The following CDH12 variants were observed in gnomAD, a reference collection of about 807,000 sequenced individuals.
CDH12 encodes the protein cadherin-12.
In CDH12, 41 loss-of-function variants were observed where a neutral mutation model predicts 74.1. The observed-to-expected ratio is 0.55, with a 90% CI of 0.43 to 0.72. CDH12 has a LOEUF of 0.72. Among genes scored for constraint, CDH12 ranks in the 30% least tolerant of loss-of-function variants. CDH12 has a pLI of 0.00. For missense variants in CDH12, 945 were observed against 977.2 expected, an observed-to-expected ratio of 0.97 and a Z score of 0.44; for synonymous variants, 399 against 355.0, an observed-to-expected ratio of 1.12 and a Z score of -1.39.
intron 3 of CDH12, among the ~76,000 whole-genome samples, chr5:22,360,416 C>T (rs779204967): frequency 1.8e-4 from 28 of 152,196 alleles, no homozygotes; most frequent in East Asian, 3.9e-4. Context: ...AAATAACAGG[C>T]TCTGAAATTG....
chr5:22,462,637 T>C (rs1388382972), intron 2 of CDH12, among the ~76,000 whole-genome samples: 1 of 152,070 alleles, frequency 6.6e-6, no homozygotes, highest in Admixed American at 6.6e-5. Flanking sequence ...ACATGAAAAT[T>C]GAAGTAGAAC....
At chr5:22,615,434 A>G (rs1035976195) in intron 1 of CDH12, among the ~76,000 whole-genome samples, 1 of 152,126 alleles carries the variant, frequency 6.6e-6, no homozygotes, top group African/African-American at 2.4e-5. Context: ...ATAAAAAGTT[A>G]CCAATAACAT....
rs567450746 is a variant in CDH12, at chr5:22,131,999, G to A, written c.-186-53137C>T. 7.4e-4 allele frequency among the ~76,000 whole-genome samples: 113 copies of A among 152,206 alleles called. 1 individual carries two copies. Among genetic ancestry groups the A allele is most frequent in the African/African-American group, 2.4e-3 (101 of 41,540 alleles). On this transcript the variant is annotated intron_variant, in intron 4 of 14. Coordinates refer to ENST00000382254, the MANE Select transcript of CDH12 (RefSeq NM_004061.5). ...GTTCTTCCTTATAAGAATTTAAAAC[G>A]TGTATCTCCATGGAGGGCCTGCAAA... is the stretch of plus-strand genomic sequence containing the variant.
chr5:22,270,467 T>C (rs1382819277), intron 3 of CDH12, among the ~76,000 whole-genome samples: 2 of 151,744 alleles, frequency 1.3e-5, no homozygotes, highest in South Asian at 2.1e-4. Flanking sequence ...TGGCGGCACA[T>C]GCCTGTAGCC....
intron 5 of CDH12, among the ~76,000 whole-genome samples, chr5:22,063,491 G>C (rs1023024377): frequency 3.3e-5 from 5 of 151,988 alleles, no homozygotes; most frequent in Admixed American, 6.6e-5. Context: ...GCACATTGCT[G>C]ATTGGTTCTA....
chr5:21,962,748 TG>T (rs998521159), intron 6 of CDH12, among the ~76,000 whole-genome samples: 1 of 152,156 alleles, frequency 6.6e-6, no homozygotes, highest in East Asian at 1.9e-4. Context: ...CTTTCATTTT[TG>T]TTCTTAAATA....
intron 5 of CDH12, among the ~76,000 whole-genome samples, chr5:22,043,208 G>A (rs555927325): frequency 6.6e-6 from 1 of 152,136 alleles, no homozygotes; most frequent in Admixed American, 6.5e-5. Context: ...CAGAATACTA[G>A]CAAAACAAAT....
At chr5:22,558,255 C>T (rs1304029254) in intron 1 of CDH12, among the ~76,000 whole-genome samples, 1 of 151,976 alleles carries the variant, frequency 6.6e-6, no homozygotes, top group Non-Finnish European at 1.5e-5. Context: ...AAATGGTACT[C>T]TATGGAGACA....
chr5:22,058,191 GGATTACAGGCACAC>G (rs1262370462), intron 5 of CDH12, among the ~76,000 whole-genome samples: 2 of 152,034 alleles, frequency 1.3e-5, no homozygotes, highest in African/African-American at 4.8e-5. Flanking sequence ...CGAGTAGCTG[GGATTACAGGCACAC>G]GCCTCCATGC....
intron 1 of CDH12, among the ~76,000 whole-genome samples, chr5:22,748,773 C>T (rs1034376913): frequency 2.0e-5 from 3 of 152,144 alleles, no homozygotes; most frequent in African/African-American, 7.2e-5. Context: ...AAATGCCACT[C>T]ACCAAATCTC....
At chr5:22,553,584 A>G (rs753336109) in intron 1 of CDH12, among the ~76,000 whole-genome samples, 1 of 152,208 alleles carries the variant, frequency 6.6e-6, no homozygotes, top group Non-Finnish European at 1.5e-5. Context: ...CAAGATCTAT[A>G]TGAAAAAAAA....
chr5:22,439,045 A>G (rs752936141), intron 2 of CDH12, among the ~76,000 whole-genome samples: 7 of 151,924 alleles, frequency 4.6e-5, no homozygotes, highest in African/African-American at 1.7e-4. Flanking sequence ...GCTTGTGTCT[A>G]TAAAGCACAA....
chr5:22,733,229 C>A (rs1481108355), intron 1 of CDH12, among the ~76,000 whole-genome samples: 4 of 151,690 alleles, frequency 2.6e-5, no homozygotes, highest in Non-Finnish European at 5.9e-5. Flanking sequence ...TAATTTGTCA[C>A]CAGGATTTAC....
At chr5:22,284,200 G>T (rs1248505297) in intron 3 of CDH12, among the ~76,000 whole-genome samples, 1 of 152,068 alleles carries the variant, frequency 6.6e-6, no homozygotes, top group South Asian at 2.1e-4. Context: ...CTTTTAAAAA[G>T]ATGATACGAG....
chr5:21,785,271 C>A (rs922616583), intron 10 of CDH12, among the ~76,000 whole-genome samples: 3 of 152,172 alleles, frequency 2.0e-5, no homozygotes, highest in Admixed American at 6.5e-5. Context: ...CATCTGTCTC[C>A]TGCTCCTTGG....
intron 6 of CDH12, among the ~76,000 whole-genome samples, chr5:21,895,080 C>T (rs1417068261): frequency 6.6e-6 from 1 of 151,242 alleles, no homozygotes; most frequent in Non-Finnish European, 1.5e-5. Context: ...ACTGTTCCTC[C>T]TTAGTTGACT....
intron 4 of CDH12, among the ~76,000 whole-genome samples, chr5:22,151,054 A>G (rs1747545074): frequency 6.6e-6 from 1 of 152,198 alleles, no homozygotes. Context: ...AAGGTGTTTT[A>G]CGCACTTTTT....
intron 1 of CDH12, among the ~76,000 whole-genome samples, chr5:22,818,483 A>T (rs999418273): frequency 6.6e-6 from 1 of 152,086 alleles, no homozygotes; most frequent in Non-Finnish European, 1.5e-5. Context: ...CCTAGGTTTT[A>T]TATGTATGTA....
intron 2 of CDH12, among the ~76,000 whole-genome samples, chr5:22,434,481 C>T (rs183170883): frequency 7.2e-5 from 11 of 152,182 alleles, no homozygotes; most frequent in Non-Finnish European, 1.2e-4. Flanking sequence ...TGTCATAGAA[C>T]ATTAAATATA....
Sources: gnomAD v4.1 joint callset for allele counts (sites outside exome capture counted in the v4.1 genomes callset) on GRCh38, gnomAD v4.1.1 for gene constraint, MANE v1.5 for transcripts, NCBI Gene and HGNC (gene_info 2026-07-23, HGNC 2026-07-21) for gene names.